GALNT5: variants seen among roughly 807,000 people sequenced by gnomAD.
The protein encoded by GALNT5 is polypeptide N-acetylgalactosaminyltransferase 5, also known as UDP-GalNAc:polypeptide N-acetylgalactosaminyltransferase 5.
In GALNT5, 72 loss-of-function variants were observed where a neutral mutation model predicts 85.4. The observed-to-expected ratio is 0.84, with a 90% confidence interval of 0.70 to 1.03. The LOEUF (loss-of-function observed/expected upper bound fraction) is 1.03. Ranked by LOEUF, GALNT5 falls within the 50% of genes least tolerant of loss-of-function variation. The pLI is 0.00. For missense variants in GALNT5, 1,137 were observed against 1,135.5 expected (o/e 1.00, Z -0.02); for synonymous variants, 404 against 397.0 (o/e 1.02, Z -0.21).
chr2:157,303,016 G>T (rs565673551), intron 7 of GALNT5, among the ~76,000 whole-genome samples: 1 of 152,282 alleles, frequency 6.6e-6, no homozygotes, highest in East Asian at 1.9e-4. Context: ...ATCGTGGAAA[G>T]TTCCAAGAAA....
rs1202517351 is a variant in GALNT5, at chr2:157,305,849, A to G, written c.2520+20A>G. ...AAAGAGGTATGCTAAACTGTTTTCTATCTCATGGTAGCTGATAGGTGCAGG... is the reference window on the plus strand; with the variant it reads ...AAAGAGGTATGCTAAACTGTTTTCTGTCTCATGGTAGCTGATAGGTGCAGG... On this transcript the variant is annotated intron_variant, in intron 8 of 9. Transcript: ENST00000259056. 1.4e-6 allele frequency: 2 copies of G among 1,386,628 alleles called. No homozygotes were observed. The highest frequency in any genetic ancestry group is 1.7e-5 in the Admixed American group (1 of 59,506). The allele number at this position is 1,386,628 out of a possible 1,614,324, so 85.9% of individuals were successfully genotyped here.
In GALNT5 at chr2:157,262,908, A is replaced by C. The variant is rs565244021; in HGVS notation, c.1454+3372A>C. Among the ~76,000 whole-genome samples, 83 of 145,966 alleles carry C rather than the reference A, an allele frequency of 5.7e-4. 2 individuals are homozygous for C. Among genetic ancestry groups the C allele is most frequent in the African/African-American group, 2.1e-3 (80 of 38,064 alleles). On this transcript the variant is annotated intron_variant, in intron 1 of 9. Transcript: ENST00000259056. ...AGTGGTGCGATCTCGGCTCACTGCA[A>C]ACTCCGCCTCCGGGGTTCACACCAT...
At position 157,316,432 on chromosome 2, in the gene GALNT5, T is replaced by C. The variant is rs908155797; in HGVS notation, c.*5084T>C. Among the ~76,000 whole-genome samples, 2 of 152,036 alleles carry C rather than the reference T, an allele frequency of 1.3e-5. No individual in the cohort carries two copies. Among genetic ancestry groups the C allele is most frequent in the Non-Finnish European group, 2.9e-5 (2 of 68,016 alleles). On this transcript the variant is annotated 3_prime_UTR_variant, in exon 10 of 10. Coordinates refer to ENST00000259056, the MANE Select transcript of GALNT5 (RefSeq NM_014568.3). Reference sequence around the variant, plus strand: ...TACCAACCCTTGATCCCTCCAACCTTTAATCAAAGCTAGCAGATTGCTCAT... The same window carrying C: ...TACCAACCCTTGATCCCTCCAACCTCTAATCAAAGCTAGCAGATTGCTCAT...
rs964984072 is a variant in GALNT5 at position 157,315,612 on chromosome 2, G to T, written c.*4264G>T. Among the ~76,000 whole-genome samples, 1 of 152,092 alleles carries T rather than the reference G, an allele frequency of 6.6e-6. No homozygotes were observed. Among genetic ancestry groups the T allele is most frequent in the Non-Finnish European group, 1.5e-5 (1 of 68,016 alleles). The stretch of plus-strand genomic sequence containing the variant: ...TCTGTGGTAACCAATTGATGTGTAG[G>T]TATAAACATGGCTACCCCCACATGT... On this transcript the variant is annotated 3_prime_UTR_variant, in exon 10 of 10. Coordinates refer to ENST00000259056, the MANE Select transcript of GALNT5 (RefSeq NM_014568.3).
rs1683563990 is a variant in GALNT5 at position 157,311,271 on chromosome 2, A to G, written c.2746A>G (p.Lys916Glu). ...LLCLEGNFSQKILKVAACDPV... is the reference protein window; with the variant it reads ...LLCLEGNFSQEILKVAACDPV... The stretch of plus-strand genomic sequence containing the variant: ...ATGCTTGGAAGGAAATTTTTCTCAA[A>G]AGATCCTGAAAGTAGCTGCCTGTGA... Residue 916 changes from lysine (K) to glutamate (E), a missense_variant, in exon 10 of 10, where the codon AAG becomes GAG. Lys to Glu is a moderately conservative substitution (Grantham distance 56). Coordinates refer to ENST00000259056, the MANE Select transcript of GALNT5 (RefSeq NM_014568.3). The G allele has an allele frequency of 6.2e-7, 1 of 1,610,516 alleles. No individual in the cohort carries two copies.
chr2:157,288,716 T>C (rs1204296512), intron 3 of GALNT5, among the ~76,000 whole-genome samples: 2 of 152,190 alleles, frequency 1.3e-5, no homozygotes, highest in Admixed American at 6.5e-5. Context: ...AACGAAACTG[T>C]CTGATGTACA....
intron 7 of GALNT5, 21 bp downstream of exon 7, chr2:157,301,020 A>T (rs758015711): frequency 6.5e-7 from 1 of 1,543,704 alleles, no homozygotes; most frequent in Non-Finnish European, 8.9e-7. Context: ...GTGGCAATTT[A>T]AAATCTTACT....
In GALNT5 at chr2:157,282,810, G is replaced by T. The variant is rs1333834468; in HGVS notation, c.1455-1472G>T. The stretch of plus-strand genomic sequence containing the variant: ...TATCCTATCTAGGTGGATGATGTGG[G>T]TAAGTCATTTAACTTCCCAAGATTT... On this transcript the variant is annotated intron_variant, in intron 1 of 9. Coordinates refer to ENST00000259056, the MANE Select transcript of GALNT5 (RefSeq NM_014568.3). Among the ~76,000 whole-genome samples the T allele has an allele frequency of 5.3e-5, 8 of 152,174 alleles. No individual in the cohort carries two copies. In the South Asian group the frequency reaches 1.0e-3, roughly 20 times the overall value.
rs139554177 is a variant in GALNT5, at chr2:157,314,554, T to C, written c.*3206T>C. On this transcript the variant is annotated 3_prime_UTR_variant, in exon 10 of 10. Transcript: ENST00000259056. ...CCACACTAATTTGGAAACATTCTTTTAGATATTAAAACACCTTACTTCTAG... is the reference window on the plus strand; with the variant it reads ...CCACACTAATTTGGAAACATTCTTTCAGATATTAAAACACCTTACTTCTAG... Among the ~76,000 whole-genome samples the C allele has an allele frequency of 8.6e-3, 1,313 of 152,332 alleles. 15 individuals carry two copies. Among genetic ancestry groups the C allele is most frequent in the African/African-American group, 0.03 (1,243 of 41,584 alleles).
At chr2:157,299,500 G>A (rs1389866052) in intron 5 of GALNT5, 48 bp from the exon 6 acceptor site, 2 of 1,083,610 alleles carry the variant, frequency 1.8e-6, no homozygotes, top group Non-Finnish European at 2.8e-6. Flanking sequence ...TCTAAAAGTC[G>A]AGCTTTCATG....
chr2:157,293,058 C>T (rs149128197), intron 3 of GALNT5, among the ~76,000 whole-genome samples: 28 of 152,272 alleles, frequency 1.8e-4, no homozygotes, highest in African/African-American at 4.8e-4. Flanking sequence ...TAGCAGGCCA[C>T]GCTTCATACA....
intron 3 of GALNT5, among the ~76,000 whole-genome samples, chr2:157,286,874 C>T (rs1288598905): frequency 6.6e-6 from 1 of 151,188 alleles, no homozygotes; most frequent in Non-Finnish European, 1.5e-5. Context: ...CAACTCCTCA[C>T]ACACTTTGTT....
chr2:157,260,788 C>T (rs16841426), intron 1 of GALNT5, among the ~76,000 whole-genome samples: 34,349 of 152,092 alleles, frequency 0.23, 5,782 homozygotes, highest in African/African-American at 0.47. Context: ...CGGCTACAAC[C>T]AGGTCGTTTT....
At position 157,259,342 on chromosome 2, in the gene GALNT5, G is replaced by A. The variant is rs776611399; in HGVS notation, c.1260G>A (p.Thr420=). 3.9e-5 allele frequency: 60 copies of A among 1,545,990 alleles called. No homozygotes were observed. The highest frequency in any genetic ancestry group is 8.0e-5 in the Admixed American group (4 of 49,880). Residue 420 remains threonine (T), a synonymous_variant, in exon 1 of 10, where the codon ACG becomes ACA. Transcript: ENST00000259056. ...IKALLPEDSG[T]HQVLRIDVTL... is the part of the protein sequence containing the mutation. ...CCCTTTTACCTGAAGACAGTGGAACGCACCAGGTGTTAAGAATTGATGTGA... is the reference window on the plus strand; with the variant it reads ...CCCTTTTACCTGAAGACAGTGGAACACACCAGGTGTTAAGAATTGATGTGA...
intron 9 of GALNT5, among the ~76,000 whole-genome samples, chr2:157,310,502 CCT>C (rs1406891514): frequency 3.9e-5 from 6 of 151,998 alleles, no homozygotes; most frequent in African/African-American, 9.7e-5. Flanking sequence ...GAAAGTCACC[CCT>C]GTTTGATAAC....
chr2:157,308,545 T>G (rs1683500495), intron 8 of GALNT5, 22 bp from the exon 9 acceptor site: 1 of 1,586,950 alleles, frequency 6.3e-7, no homozygotes, highest in South Asian at 1.2e-5. Context: ...TGAAGTGACC[T>G]CTTTATTCAT....
chr2:157,290,085 ATGT>A (rs1336241598), intron 3 of GALNT5, among the ~76,000 whole-genome samples: 5 of 19,742 alleles, frequency 2.5e-4, no homozygotes, highest in South Asian at 2.2e-3. Flanking sequence ...AAAAAAAAAA[ATGT>A]ATATATATAT....
chr2:157,300,729 T>C lies in GALNT5; in HGVS notation c.2169T>C (p.His723=), dbSNP rs1683322883. 4 of 1,614,022 alleles carry C rather than the reference T, an allele frequency of 2.5e-6. No individual in the cohort carries two copies. The East Asian group carries it at 8.9e-5, about 36-fold the overall frequency. Residue 723 remains histidine (H), a synonymous_variant, in exon 7 of 10, where the codon CAT becomes CAC. Coordinates refer to ENST00000259056, the MANE Select transcript of GALNT5 (RefSeq NM_014568.3). ...IEIIPCSRVG[H]IFRNDNPYSF... ...TCATTCCCTGCTCCCGAGTGGGCCA[T>C]ATATTCAGAAATGACAATCCATATT...
intron 7 of GALNT5, among the ~76,000 whole-genome samples, chr2:157,301,277 G>C (rs895794296): frequency 6.6e-5 from 10 of 152,188 alleles, no homozygotes; most frequent in Non-Finnish European, 1.5e-4. Flanking sequence ...AGTAGACTTG[G>C]TTCCTTCCTT....
Sources: allele counts gnomAD v4.1 joint callset (sites outside exome capture counted in the v4.1 genomes callset), GRCh38; gene constraint gnomAD v4.1.1; transcripts MANE v1.5; gene names NCBI Gene and HGNC (gene_info 2026-07-23, HGNC 2026-07-21).